The following COL6A6 variants were observed in gnomAD, a reference collection of about 807,000 sequenced individuals.
COL6A6 encodes collagen alpha-6(VI) chain.
A neutral mutation model predicts 208.6 loss-of-function variants in COL6A6; 183 were observed. That is an observed-to-expected ratio of 0.88 (90% CI 0.78 to 0.99). The LOEUF (loss-of-function observed/expected upper bound fraction) is 0.99, where lower values mean the gene tolerates loss of function less well. Among genes scored for constraint, COL6A6 ranks in the 50% least tolerant of loss-of-function variants. COL6A6 has a pLI of 0.00. For synonymous variants in COL6A6, 973 were observed against 1,011.8 expected, an observed-to-expected ratio of 0.96 and a Z score of 0.73; for missense variants, 2,816 against 2,815.2, an observed-to-expected ratio of 1.00 and a Z score of -0.01.
At chr3:130,518,493 A>G (rs1392761395) in intron 1 of COL6A6, among the ~76,000 whole-genome samples, 1 of 152,068 alleles carries the variant, frequency 6.6e-6, no homozygotes, top group Admixed American at 6.5e-5. Context: ...GTCTTTATAA[A>G]AGAGGTTGTC....
chr3:130,558,638 T>A (rs1216072691), intron 1 of COL6A6, among the ~76,000 whole-genome samples: 2 of 152,226 alleles, frequency 1.3e-5, no homozygotes, highest in Non-Finnish European at 2.9e-5. Flanking sequence ...TGTGACTGTT[T>A]GCAAACTTTT....
intron 35 of COL6A6, among the ~76,000 whole-genome samples, chr3:130,662,816 C>G (rs963574106): frequency 6.6e-6 from 1 of 152,114 alleles, no homozygotes; most frequent in African/African-American, 2.4e-5. Flanking sequence ...AAAAATAGAG[C>G]CTTGCAAAAC....
At chr3:130,525,891 C>T (rs76021676) in intron 1 of COL6A6, among the ~76,000 whole-genome samples, 6,426 of 152,238 alleles carry the variant, frequency 0.042, 241 homozygotes, top group East Asian at 0.19. Flanking sequence ...AACAGCATTC[C>T]CTCAAAGAAG....
intron 1 of COL6A6, among the ~76,000 whole-genome samples, chr3:130,546,641 T>TCCATTTTACAGAGA (rs1246926444): frequency 6.6e-6 from 1 of 152,168 alleles, no homozygotes; most frequent in East Asian, 1.9e-4. Flanking sequence ...TTTGACAGGG[T>TCCATTTTACAGAGA]GCTGATTGGT....
chr3:130,593,662 T>A (rs1353891277), intron 17 of COL6A6, among the ~76,000 whole-genome samples: 2 of 152,222 alleles, frequency 1.3e-5, no homozygotes, highest in Non-Finnish European at 2.9e-5. Flanking sequence ...CAATGCATAT[T>A]GCCAAACTCA....
chr3:130,530,058 C>T lies in COL6A6; in HGVS notation c.-32+12661C>T, dbSNP rs1054861648. Among the ~76,000 whole-genome samples the T allele has an allele frequency of 5.3e-5, 8 of 152,266 alleles. No homozygotes were observed. The East Asian group carries it at 1.5e-3, about 29-fold the overall frequency. On this transcript the variant is annotated intron_variant, in intron 1 of 36. Coordinates refer to ENST00000358511, the MANE Select transcript of COL6A6 (RefSeq NM_001102608.3). Reference sequence around the variant, plus strand: ...GATTCAGAGTCTCTGGGGCTGTGGCCCAGCTGTCAGTGTTTCAGTCTAGCC... The same window carrying T: ...GATTCAGAGTCTCTGGGGCTGTGGCTCAGCTGTCAGTGTTTCAGTCTAGCC...
At chr3:130,599,977 G>A (rs1040773591) in intron 20 of COL6A6, among the ~76,000 whole-genome samples, 167 bp downstream of exon 20, 18 of 152,152 alleles carry the variant, frequency 1.2e-4, no homozygotes, top group Admixed American at 6.5e-5. Flanking sequence ...ACTTGGGAAA[G>A]CCCTGGAAGC....
rs184533318 is a variant in COL6A6, at chr3:130,572,087, C to T, written c.2977+694C>T. Among the ~76,000 whole-genome samples the T allele has an allele frequency of 3.9e-5, 6 of 152,270 alleles. No homozygotes were observed. The East Asian group carries it at 7.7e-4, about 20-fold the overall frequency. ...TTTATGCAAGAAACAAATTCTCCTC[C>T]TAAGAACCAGCTAGAATTGCCTGAA... is the stretch of plus-strand genomic sequence containing the variant. On this transcript the variant is annotated intron_variant, in intron 7 of 36. Coordinates refer to ENST00000358511, the MANE Select transcript of COL6A6 (RefSeq NM_001102608.3).
intron 18 of COL6A6, among the ~76,000 whole-genome samples, chr3:130,595,768 A>G (rs1263982691): frequency 1.3e-5 from 2 of 152,164 alleles, no homozygotes; most frequent in Non-Finnish European, 2.9e-5. Flanking sequence ...GAATATTCTT[A>G]TATATGTCTT....
At chr3:130,628,743 C>T (rs1233791122) in intron 26 of COL6A6, among the ~76,000 whole-genome samples, 1 of 65,258 alleles carries the variant, frequency 1.5e-5, no homozygotes, top group Admixed American at 2.4e-4. Flanking sequence ...CGAAGATGGC[C>T]GAATAGGAAC....
At chr3:130,623,791 A>G (rs559574769) in intron 24 of COL6A6, among the ~76,000 whole-genome samples, 1 of 152,362 alleles carries the variant, frequency 6.6e-6, no homozygotes, top group South Asian at 2.1e-4. Flanking sequence ...TGGATTAAAA[A>G]TAACTCTTGG....
chr3:130,612,130 TGTATA>T (rs1342781584), intron 23 of COL6A6, among the ~76,000 whole-genome samples: 1 of 152,238 alleles, frequency 6.6e-6, no homozygotes, highest in Non-Finnish European at 1.5e-5. Flanking sequence ...TTTTTATGGC[TGTATA>T]GTATTCCATG....
rs1416893487 is a variant in COL6A6, at chr3:130,517,249, G to C, written c.-180G>C. Reference sequence around the variant, plus strand: ...CGCTGCCTGTCCGTTCCACGGTTCCGAGGTCTCCACCGTCTCCCCGCGCGC... The same window carrying C: ...CGCTGCCTGTCCGTTCCACGGTTCCCAGGTCTCCACCGTCTCCCCGCGCGC... On this transcript the variant is annotated 5_prime_UTR_variant, in exon 1 of 37. Transcript: ENST00000358511. Among the ~76,000 whole-genome samples, 1 of 152,210 alleles carries C rather than the reference G, an allele frequency of 6.6e-6. No homozygotes were observed. Among genetic ancestry groups the C allele is most frequent in the Non-Finnish European group, 1.5e-5 (1 of 68,032 alleles).
intron 1 of COL6A6, among the ~76,000 whole-genome samples, chr3:130,555,933 G>A (rs1202053787): frequency 6.6e-6 from 1 of 151,966 alleles, no homozygotes; most frequent in Non-Finnish European, 1.5e-5. Context: ...TTTTTTAAGT[G>A]GATATACTGT....
At chr3:130,563,972 A>G (rs1269609328) in intron 3 of COL6A6, among the ~76,000 whole-genome samples, 1 of 152,196 alleles carries the variant, frequency 6.6e-6, no homozygotes, top group Non-Finnish European at 1.5e-5. Context: ...TTTAGTTGCT[A>G]TGTAGTTTTA....
At position 130,649,540 on chromosome 3, in the gene COL6A6, C is replaced by T. The variant is rs373556758; in HGVS notation, c.5711C>T (p.Pro1904Leu). The stretch of plus-strand genomic sequence containing the variant: ...GTGGTGATCACTTTCAGCAACGTGC[C>T]CTCGGTCAGGCGCGCATTTGCGGTA... ...IPVVITFSNV[P>L]SVRRAFAIDD... Residue 1904 changes from proline (P) to leucine (L), a missense_variant, in exon 33 of 37, where the codon CCC becomes CTC. Transcript: ENST00000358511. The T allele has an allele frequency of 2.0e-5, 32 of 1,595,394 alleles. No homozygotes were observed. The highest frequency in any genetic ancestry group is 2.6e-5 in the Non-Finnish European group (30 of 1,170,794).
chr3:130,598,536 T>C, intron 19 of COL6A6, 106 bp downstream of exon 19: 2 of 756,700 alleles, frequency 2.6e-6, no homozygotes, highest in Non-Finnish European at 4.5e-6. Context: ...AAAGTGGATA[T>C]ACTTGGTACA....
intron 1 of COL6A6, among the ~76,000 whole-genome samples, chr3:130,525,147 AT>A (rs1308341734): frequency 3.9e-5 from 6 of 152,206 alleles, no homozygotes; most frequent in Admixed American, 1.3e-4. Context: ...AGAGATTTGA[AT>A]TCTGGATGTG....
rs758291570 is a variant in COL6A6 at position 130,661,832 on chromosome 3, G to T, written c.6026G>T (p.Arg2009Leu). Residue 2009 changes from arginine (R) to leucine (L), a missense_variant, in exon 35 of 37, where the codon CGG becomes CTG. By Grantham distance (102) the Arg-to-Leu change is moderately radical (BLOSUM62 -2). Transcript: ENST00000358511. ...PEPETSVTGD[R>L]VALLSHAPPD... is the part of the protein sequence containing the mutation. The stretch of plus-strand genomic sequence containing the variant: ...CCGGAGACTTCTGTCACTGGAGACC[G>T]GGTGGCCCTATTGAGCCATGCTCCC... 1.2e-6 allele frequency: 2 copies of T among 1,613,914 alleles called. No homozygotes were observed. The highest frequency in any genetic ancestry group is 2.2e-5 in the South Asian group (2 of 91,068).
Sources: allele counts gnomAD v4.1 joint callset (sites outside exome capture counted in the v4.1 genomes callset), GRCh38; gene constraint gnomAD v4.1.1; transcripts MANE v1.5; gene names NCBI Gene and HGNC (gene_info 2026-07-23, HGNC 2026-07-21).